The following RNF145 variants were observed in gnomAD, a reference collection of about 807,000 sequenced individuals.
RNF145 encodes ring finger protein 145.
In RNF145, 12 loss-of-function variants were observed where a neutral mutation model predicts 57.3. The observed-to-expected ratio is 0.21, with a 90% CI of 0.13 to 0.34. RNF145 has a LOEUF of 0.34. RNF145 is among the 10% of genes least tolerant of loss of function. The pLI is 1.00. For synonymous variants in RNF145, 262 were observed against 288.3 expected (o/e 0.91, Z 0.92); for missense variants, 429 against 799.0 (o/e 0.54, Z 5.58).
At chr5:159,192,210 A>C (rs1217319842) in intron 3 of RNF145, among the ~76,000 whole-genome samples, 1 of 152,206 alleles carries the variant, frequency 6.6e-6, no homozygotes. Flanking sequence ...GGAGTGTGCA[A>C]AAGTTGCATG....
At chr5:159,188,150 A>G (rs1228176593) in intron 3 of RNF145, among the ~76,000 whole-genome samples, 2 of 152,182 alleles carry the variant, frequency 1.3e-5, no homozygotes, top group African/African-American at 4.8e-5. Context: ...TGGAAGGCCA[A>G]GGCGGGCGGA....
chr5:159,181,926 C>G (rs139949691), intron 4 of RNF145, 34 bp downstream of exon 4: 108 of 1,261,244 alleles, frequency 8.6e-5, no homozygotes, highest in Non-Finnish European at 1.1e-4. Context: ...CTGGTCGGTT[C>G]CTACCTACAC....
intron 1 of RNF145, chr5:159,207,831 T>A: frequency 1.2e-6 from 2 of 1,614,154 alleles, no homozygotes; most frequent in Non-Finnish European, 1.7e-6. Context: ...GAGTCTACTC[T>A]GAATACAAAG....
intron 1 of RNF145, among the ~76,000 whole-genome samples, chr5:159,206,703 T>C (rs1013425581): frequency 6.6e-6 from 1 of 152,106 alleles, no homozygotes; most frequent in African/African-American, 2.4e-5. Flanking sequence ...AATATTCTCT[T>C]GAAAACAAAA....
intron 10 of RNF145, 33 bp from the exon 11 acceptor site, chr5:159,159,068 T>C (rs747895460): frequency 6.4e-7 from 1 of 1,569,938 alleles, no homozygotes; most frequent in South Asian, 1.2e-5. Flanking sequence ...ACCTTATAAA[T>C]GTCTGTTTTC....
At chr5:159,207,434 C>A in intron 1 of RNF145, 1 of 1,268,208 alleles carries the variant, frequency 7.9e-7, no homozygotes, top group Admixed American at 2.0e-5. Context: ...AATACTTCTA[C>A]ACCTTCCCCC....
At chr5:159,170,970 T>C (rs1362456667) in intron 6 of RNF145, among the ~76,000 whole-genome samples, 2 of 152,226 alleles carry the variant, frequency 1.3e-5, no homozygotes, top group Non-Finnish European at 2.9e-5. Context: ...ATTCAGGCAA[T>C]CAATGCTTGT....
At chr5:159,196,204 C>T (rs1205173191) in intron 2 of RNF145, among the ~76,000 whole-genome samples, 1 of 149,846 alleles carries the variant, frequency 6.7e-6, no homozygotes, top group Non-Finnish European at 1.5e-5. Flanking sequence ...AACACAAATT[C>T]ATAAACTTTC....
intron 10 of RNF145, among the ~76,000 whole-genome samples, chr5:159,160,367 GA>G (rs984705242): frequency 6.6e-6 from 1 of 152,078 alleles, no homozygotes; most frequent in African/African-American, 2.4e-5. Context: ...TTTACTATCA[GA>G]AAAAAATTAA....
chr5:159,209,830 C>CAA, upstream of RNF145: 1 of 1,535,452 alleles, frequency 6.5e-7, no homozygotes, highest in Non-Finnish European at 8.7e-7. Context: ...CCACGGGCCG[C>CAA]AAGCGCTCAC....
rs368547991 is a variant in RNF145, at chr5:159,194,349, T to A, written c.293+367A>T. Among the ~76,000 whole-genome samples, 8 of 152,322 alleles carry A rather than the reference T, an allele frequency of 5.3e-5. No homozygotes were observed. The East Asian group carries it at 1.5e-3, about 29-fold the overall frequency. Reference sequence around the variant, plus strand: ...ACCATGCCCGGCTAATTTTTGTATTTTTAGTAGAGACGAGGTTTCACCATG... The same window carrying A: ...ACCATGCCCGGCTAATTTTTGTATTATTAGTAGAGACGAGGTTTCACCATG... On this transcript the variant is annotated intron_variant, in intron 3 of 10. Transcript: ENST00000424310.
At chr5:159,201,705 A>G (rs1032769279) in intron 2 of RNF145, among the ~76,000 whole-genome samples, 6 of 152,214 alleles carry the variant, frequency 3.9e-5, no homozygotes, top group Non-Finnish European at 5.9e-5. Context: ...ATCTGTATAA[A>G]AAGGGGGGAA....
At chr5:159,164,548 C>A (rs922594580) in intron 8 of RNF145, among the ~76,000 whole-genome samples, 3 of 152,074 alleles carry the variant, frequency 2.0e-5, no homozygotes, top group Non-Finnish European at 4.4e-5. Flanking sequence ...AATTTTAATA[C>A]AGGTGGATAT....
At chr5:159,172,285 G>A (rs1584673764) in intron 6 of RNF145, among the ~76,000 whole-genome samples, 1 of 152,158 alleles carries the variant, frequency 6.6e-6, no homozygotes, top group Non-Finnish European at 1.5e-5. Context: ...GAGGTCAGGA[G>A]TTCAAGATGA....
intron 3 of RNF145, among the ~76,000 whole-genome samples, chr5:159,192,091 CT>C (rs990586853): frequency 6.6e-6 from 1 of 151,116 alleles, no homozygotes; most frequent in Non-Finnish European, 1.5e-5. Context: ...CATGTACAGA[CT>C]TTTTTTGTCA....
chr5:159,206,968 A>AT (rs995579373), intron 1 of RNF145, among the ~76,000 whole-genome samples: 5 of 152,118 alleles, frequency 3.3e-5, no homozygotes, highest in Non-Finnish European at 7.4e-5. Flanking sequence ...AACCAAAAAA[A>AT]AAAAAGGCAT....
chr5:159,160,311 G>A (rs1425702308), intron 10 of RNF145, among the ~76,000 whole-genome samples: 1 of 152,020 alleles, frequency 6.6e-6, no homozygotes, highest in Non-Finnish European at 1.5e-5. Context: ...GTTTAGCTAG[G>A]ATCAAAAAGT....
rs886073941 is a variant in RNF145 at position 159,208,088 on chromosome 5, G to A, written c.-40+1143C>T. ...GGCCATCCACTAATCTTTGATGCCTGCTCACTGCACAGGCCCCTTCCTCTC... is the reference window on the plus strand; with the variant it reads ...GGCCATCCACTAATCTTTGATGCCTACTCACTGCACAGGCCCCTTCCTCTC... On this transcript the variant is annotated intron_variant, in intron 1 of 10. Coordinates refer to ENST00000424310, the MANE Select transcript of RNF145 (RefSeq NM_001199383.2). The A allele has an allele frequency of 3.4e-6, 5 of 1,473,310 alleles. No individual in the cohort carries two copies. The African/African-American group carries it at 7.1e-5, about 21-fold the overall frequency. 91.3% of individuals were successfully genotyped at this position (1,473,310 alleles called of 1,614,324 possible).
At chr5:159,196,244 T>G (rs948476907) in intron 2 of RNF145, among the ~76,000 whole-genome samples, 1 of 152,040 alleles carries the variant, frequency 6.6e-6, no homozygotes, top group South Asian at 2.1e-4. Flanking sequence ...TTTTTTTTTT[T>G]TTGCAATTTT....
Sources: allele counts gnomAD v4.1 joint callset (sites outside exome capture counted in the v4.1 genomes callset), GRCh38; gene constraint gnomAD v4.1.1; transcripts MANE v1.5; gene names NCBI Gene and HGNC (gene_info 2026-07-23, HGNC 2026-07-21).